Variants in DNAH1 observed in about 807,000 individuals in gnomAD.
The protein encoded by DNAH1 is axonemal beta dynein heavy chain 1.
A neutral mutation model predicts 484.3 loss-of-function variants in DNAH1; 327 were observed. The observed-to-expected ratio is 0.68, with a 90% CI of 0.62 to 0.74. DNAH1 has a LOEUF of 0.74. Ranked by LOEUF, DNAH1 falls within the 30% of genes least tolerant of loss-of-function variation. The probability of loss-of-function intolerance (pLI) is 0.00; values close to 1 mark genes in which losing one functional copy is unlikely to be tolerated. For missense variants in DNAH1, 5,052 were observed against 5,546.8 expected (o/e 0.91, Z 2.83); for synonymous variants, 2,192 against 2,191.9 (o/e 1.00, Z 0.00).
Position 52,352,116 on chromosome 3 carries a change from T to A in DNAH1, c.2871+13T>A, listed in dbSNP as rs777137064. 7.0e-6 allele frequency: 11 copies of A among 1,567,318 alleles called. No individual in the cohort carries two copies. The South Asian group carries it at 1.3e-4, about 18-fold the overall frequency. ...GGAAGGGCTGCAGGTGGGGCACAGC[T>A]GCAGGCTTGGTGCTGGACACAGCCC... On this transcript the variant is annotated intron_variant, in intron 17 of 77. Transcript: ENST00000420323.
At chr3:52,365,040 GT>G in intron 34 of DNAH1, 21 bp downstream of exon 34, 12 of 1,593,104 alleles carry the variant, frequency 7.5e-6, no homozygotes, top group Non-Finnish European at 9.4e-6. Flanking sequence ...GGCCCTGAGT[GT>G]TCGTGGAGGG....
rs1458693934 is a variant in DNAH1, at chr3:52,316,406, T to C, written c.-174T>C. ...GAGTCCTTGTCCCTTCTAAGAGCTG[T>C]GGACACCTTGCCTCCAGTTCCCCTC... On this transcript the variant is annotated 5_prime_UTR_variant, in exon 1 of 78. Transcript: ENST00000420323. The C allele has an allele frequency of 6.6e-6, 1 of 152,370 alleles. No individual in the cohort carries two copies. Among genetic ancestry groups the C allele is most frequent in the East Asian group, 1.9e-4 (1 of 5,198 alleles). 9.4% of individuals were successfully genotyped at this position (152,370 alleles called of 1,614,324 possible).
In DNAH1 at chr3:52,362,590, C is replaced by T. The variant is rs1702910116; in HGVS notation, c.5094+89C>T. Reference sequence around the variant, plus strand: ...AGCCACTTATGCAAGGACACAGTTGCTTGGACTCCAGGGACTGTGATTCCC... The same window carrying T: ...AGCCACTTATGCAAGGACACAGTTGTTTGGACTCCAGGGACTGTGATTCCC... On this transcript the variant is annotated intron_variant, in intron 31 of 77. Coordinates refer to ENST00000420323, the MANE Select transcript of DNAH1 (RefSeq NM_015512.5). The surrounding 1 kb of genome is among the most constrained non-coding windows in gnomAD (Gnocchi z 5.1). 1 of 1,193,766 alleles carries T rather than the reference C, an allele frequency of 8.4e-7. No homozygotes were observed. Among genetic ancestry groups the T allele is most frequent in the Non-Finnish European group, 1.2e-6 (1 of 833,912 alleles). 73.9% of individuals were successfully genotyped at this position (1,193,766 alleles called of 1,614,324 possible).
rs145912972 is a variant in DNAH1, at chr3:52,349,022, C to T, written c.2241C>T (p.Tyr747=). 122 of 1,613,104 alleles carry T rather than the reference C, an allele frequency of 7.6e-5. No individual in the cohort carries two copies. Among genetic ancestry groups the T allele is most frequent in the Admixed American group, 2.0e-4 (12 of 60,024 alleles). Residue 747 remains tyrosine (Y), a synonymous_variant, in exon 13 of 78, where the codon TAC becomes TAT. Coordinates refer to ENST00000420323, the MANE Select transcript of DNAH1 (RefSeq NM_015512.5). ...AGGCCATGATCCCACTGCAGGCCTA[C>T]GCCAAGGAGTACCGAAAGTACCTGG... ...VSKAMIPLQA[Y]AKEYRKYLEL...
Position 52,379,948 on chromosome 3 carries a change from G to A in DNAH1, c.7421G>A (p.Arg2474His), listed in dbSNP as rs759951174. ...LLRLWYHENC[R>H]VFRDRLVNEE... Reference sequence around the variant, plus strand: ...CGACTGTGGTATCACGAGAACTGCCGCGTGTTCCGGGACCGACTGGTGAAT... The same window carrying A: ...CGACTGTGGTATCACGAGAACTGCCACGTGTTCCGGGACCGACTGGTGAAT... The change falls in exon 48 of 78, where the codon CGC becomes CAC. Residue 2474 changes from arginine to histidine, a missense_variant. Transcript: ENST00000420323. This position sits in a 1 kb window ranked among gnomAD's most constrained non-coding sequence, Gnocchi z 4.4. 1.3e-5 allele frequency: 21 copies of A among 1,579,094 alleles called. No individual in the cohort carries two copies. The highest frequency in any genetic ancestry group is 4.7e-5 in the East Asian group (2 of 42,708).
Position 52,388,825 on chromosome 3 carries a change from A to G in DNAH1, c.9383A>G (p.Asp3128Gly). Residue 3128 changes from aspartate to glycine, a missense_variant, in exon 59 of 78, where the codon GAT becomes GGT. Physicochemically the swap from Asp to Gly is moderately conservative, Grantham distance 94. This residue lies in a region of DNAH1 where 2,929 missense variants were observed against 3,409.4 expected (regional missense o/e 0.86). Coordinates refer to ENST00000420323, the MANE Select transcript of DNAH1 (RefSeq NM_015512.5). ...CTCCAGCTCATCAACGGGCTGTCGG[A>G]TGAGAAGGTGCGCTGGCAGGAGACG... ...RAGKLINGLS[D>G]EKVRWQETVE... 1 of 1,613,682 alleles carries G rather than the reference A, an allele frequency of 6.2e-7. No individual in the cohort carries two copies. Among genetic ancestry groups the G allele is most frequent in the East Asian group, 2.2e-5 (1 of 44,876 alleles).
chr3:52,339,889 C>T (rs1165064836), intron 8 of DNAH1, among the ~76,000 whole-genome samples: 1 of 151,728 alleles, frequency 6.6e-6, no homozygotes, highest in African/African-American at 2.4e-5. Flanking sequence ...TCTTATCTTG[C>T]AGAACTCAAC....
intron 8 of DNAH1, among the ~76,000 whole-genome samples, chr3:52,344,289 A>C (rs1165137226): frequency 1.3e-5 from 2 of 152,112 alleles, no homozygotes; most frequent in African/African-American, 4.8e-5. Flanking sequence ...GGGGACAGAA[A>C]ATGGGGACAA....
chr3:52,328,050 C>G, intron 6 of DNAH1, 36 bp downstream of exon 6: 1 of 1,601,378 alleles, frequency 6.2e-7, no homozygotes, highest in African/African-American at 1.3e-5. Context: ...GACACTATCT[C>G]ATTCCAGTAG....
rs1269761771 is a variant in DNAH1 at position 52,378,799 on chromosome 3, C to T, written c.7377+19C>T. On this transcript the variant is annotated intron_variant, in intron 47 of 77. Transcript: ENST00000420323. ...GGTCGAGGTGAGGACCAGGCAGGCA[C>T]CCTCCCCAGTGCCCACACTGCTCTC... 6.2e-7 allele frequency: 1 copy of T among 1,612,892 alleles called. No individual in the cohort carries two copies. The highest frequency in any genetic ancestry group is 2.2e-5 in the East Asian group (1 of 44,888).
In DNAH1 at chr3:52,372,953, C is replaced by T. The variant is rs1703411255; in HGVS notation, c.6885C>T (p.Asp2295=). ...GCAACTTTATCTTCTTCATCGATGA[C>T]CTGAACATGCCGGCCCTGGAGACCT... ...LGRNFIFFID[D]LNMPALETYG... is the part of the protein sequence containing the mutation. The change falls in exon 44 of 78, where the codon GAC becomes GAT. Residue 2295 remains aspartate (D), a synonymous_variant. Coordinates refer to ENST00000420323, the MANE Select transcript of DNAH1 (RefSeq NM_015512.5). 2 of 1,613,842 alleles carry T rather than the reference C, an allele frequency of 1.2e-6. No individual in the cohort carries two copies. Among genetic ancestry groups the T allele is most frequent in the Non-Finnish European group, 8.5e-7 (1 of 1,179,842 alleles).
chr3:52,397,935 G>T (rs367969238), intron 74 of DNAH1, 58 bp downstream of exon 74: 22 of 1,575,378 alleles, frequency 1.4e-5, no homozygotes, highest in African/African-American at 1.3e-4. Flanking sequence ...TCACCATCCT[G>T]CCCACTCCCC....
At position 52,391,231 on chromosome 3, in the gene DNAH1, G is replaced by A. The variant is rs539868712; in HGVS notation, c.9794G>A (p.Arg3265His). 47 of 1,613,846 alleles carry A rather than the reference G, an allele frequency of 2.9e-5. No individual in the cohort carries two copies. Among genetic ancestry groups the A allele is most frequent in the Middle Eastern group, 1.6e-4 (1 of 6,062 alleles). ...AAGTTGAGTGACCGCGACTTCCTGCGCAGCATGGAGAACGCCATCCGCTTT... is the reference window on the plus strand; with the variant it reads ...AAGTTGAGTGACCGCGACTTCCTGCACAGCATGGAGAACGCCATCCGCTTT... ...VFKLSDRDFL[R>H]SMENAIRFGK... Residue 3265 changes from arginine to histidine, a missense_variant, in exon 62 of 78, where the codon CGC (arginine) becomes CAC (histidine). Physicochemically the swap from Arg to His is conservative, Grantham distance 29. Around this residue, in one of 4 missense-constraint regions of DNAH1, gnomAD observed 2,929 missense variants for 3,409.4 expected, o/e 0.86. Transcript: ENST00000420323.
Position 52,391,231 on chromosome 3 carries a change from G to T in DNAH1, c.9794G>T (p.Arg3265Leu). 1 of 1,613,846 alleles carries T rather than the reference G, an allele frequency of 6.2e-7. No homozygotes were observed. The highest frequency in any genetic ancestry group is 8.5e-7 in the Non-Finnish European group (1 of 1,179,850). The change falls in exon 62 of 78, where the codon CGC becomes CTC. Residue 3265 changes from arginine (R) to leucine (L), a missense_variant. By Grantham distance (102) the Arg-to-Leu change is moderately radical. Coordinates refer to ENST00000420323, the MANE Select transcript of DNAH1 (RefSeq NM_015512.5). ...AAGTTGAGTGACCGCGACTTCCTGCGCAGCATGGAGAACGCCATCCGCTTT... is the reference window on the plus strand; with the variant it reads ...AAGTTGAGTGACCGCGACTTCCTGCTCAGCATGGAGAACGCCATCCGCTTT... ...VFKLSDRDFL[R>L]SMENAIRFGK...
chr3:52,377,258 G>A (rs1703644354), intron 46 of DNAH1, among the ~76,000 whole-genome samples: 1 of 151,866 alleles, frequency 6.6e-6, no homozygotes, highest in African/African-American at 2.4e-5. Flanking sequence ...ATCCTTCCAG[G>A]TGCTCCCAGC....
At chr3:52,386,941 C>T in intron 56 of DNAH1, 88 bp downstream of exon 56, 1 of 1,342,332 alleles carries the variant, frequency 7.4e-7, no homozygotes, top group Non-Finnish European at 1.0e-6. Flanking sequence ...GCTTGCCCCA[C>T]CACATCATCT....
Position 52,368,349 on chromosome 3 carries a change from G to A in DNAH1, c.5766-392G>A, listed in dbSNP as rs1234053616. 6.6e-6 allele frequency among the ~76,000 whole-genome samples: 1 copy of A among 152,100 alleles called. No individual in the cohort carries two copies. The highest frequency in any genetic ancestry group is 2.4e-5 in the African/African-American group (1 of 41,406). ...CTTCCCTGGTGCGTGCTGCCTCTGA[G>A]GTCTGAGTCCCCTGGGTTCTGAGGC... On this transcript the variant is annotated intron_variant, in intron 36 of 77. Coordinates refer to ENST00000420323, the MANE Select transcript of DNAH1 (RefSeq NM_015512.5). This position sits in a 1 kb window ranked among gnomAD's most constrained non-coding sequence, Gnocchi z 4.4.
intron 7 of DNAH1, 56 bp downstream of exon 7, chr3:52,331,365 G>C: frequency 6.4e-7 from 1 of 1,551,192 alleles, no homozygotes; most frequent in Non-Finnish European, 8.7e-7. Context: ...TGGCCGGCCT[G>C]TGACTGAGGC....
rs777158579 is a variant in DNAH1, at chr3:52,396,891, G to C, written c.11634G>C (p.Glu3878Asp). The change falls in exon 73 of 78, where the codon GAG becomes GAC. Residue 3878 changes from glutamate to aspartate, a missense_variant. Glu to Asp is a conservative substitution (Grantham distance 45, BLOSUM62 2). This residue lies in a region of DNAH1 where 853 missense variants were observed against 899.0 expected (regional missense o/e 0.95). Transcript: ENST00000420323. ...PYKVLKYTAGEINYGGRVTDD... is the reference protein window; with the variant it reads ...PYKVLKYTAGDINYGGRVTDD... The stretch of plus-strand genomic sequence containing the variant: ...AGGTCCTCAAGTACACGGCAGGGGA[G>C]ATCAATTACGGGGGCCGTGTCACTG... 6.2e-7 allele frequency: 1 copy of C among 1,613,370 alleles called. No homozygotes were observed. The highest frequency in any genetic ancestry group is 1.1e-5 in the South Asian group (1 of 91,074).
Sources: allele counts gnomAD v4.1 joint callset (sites outside exome capture counted in the v4.1 genomes callset), GRCh38; gene constraint gnomAD v4.1.1; regional missense constraint gnomAD v4.1.1; non-coding constraint Gnocchi (gnomAD v3.1); transcripts MANE v1.5; gene names NCBI Gene and HGNC (gene_info 2026-07-23, HGNC 2026-07-21).